The following TMEM131 variants were observed in gnomAD, a reference collection of about 807,000 sequenced individuals.
The protein encoded by TMEM131 is 2610524E03Rik.
TMEM131 carries 66 observed loss-of-function variants against 211.6 expected under a neutral mutation model. The observed-to-expected ratio is 0.31, with a 90% CI of 0.26 to 0.38. The LOEUF (loss-of-function observed/expected upper bound fraction) is 0.38, where lower values mean the gene tolerates loss of function less well. TMEM131 is among the 10% of genes least tolerant of loss of function. TMEM131 has a pLI of 1.00. For missense variants in TMEM131, 2,036 were observed against 2,299.3 expected (o/e 0.89, Z 2.34); for synonymous variants, 844 against 841.3 (o/e 1.00, Z -0.06).
chr2:97,795,854 C>T (rs1680737172), intron 28 of TMEM131, among the ~76,000 whole-genome samples: 1 of 152,124 alleles, frequency 6.6e-6, no homozygotes, highest in African/African-American at 2.4e-5. Context: ...AAAAACTGTA[C>T]ATGTATGAAA....
At chr2:97,810,983 A>G in intron 18 of TMEM131, 145 bp downstream of exon 18, 1 of 651,264 alleles carries the variant, frequency 1.5e-6, no homozygotes, top group Non-Finnish European at 2.7e-6. Flanking sequence ...TATTCTATAA[A>G]CTATTCTCGA....
rs1055131756 is a variant in TMEM131, at chr2:97,802,794, G to C, written c.2403-4C>G. On this transcript the variant is annotated splice_region_variant and splice_polypyrimidine_tract_variant and intron_variant, in intron 22 of 40. Coordinates refer to ENST00000186436, the MANE Select transcript of TMEM131 (RefSeq NM_015348.2). The stretch of plus-strand genomic sequence containing the variant: ...TACTTCAAATATAGCACTCAATCTA[G>C]AAAAACAATTTGTAAGTCACTGTAT... The C allele has an allele frequency of 6.5e-7, 1 of 1,534,480 alleles. No individual in the cohort carries two copies.
chr2:97,944,403 T>C (rs72817712), intron 1 of TMEM131, among the ~76,000 whole-genome samples: 2,718 of 152,306 alleles, frequency 0.018, 37 homozygotes, highest in Non-Finnish European at 0.029. Flanking sequence ...TAAATCTTCA[T>C]AACCTCTGAT....
intron 1 of TMEM131, among the ~76,000 whole-genome samples, chr2:97,940,796 C>A (rs13404788): frequency 2.8e-5 from 4 of 144,494 alleles, no homozygotes; most frequent in Non-Finnish European, 6.0e-5. Context: ...GCGACAGAGC[C>A]AGACTCCATC....
intron 40 of TMEM131, 26 bp downstream of exon 40, chr2:97,758,867 C>A (rs777587416): frequency 1.3e-6 from 2 of 1,586,194 alleles, no homozygotes; most frequent in Non-Finnish European, 1.7e-6. Flanking sequence ...CAGGTCCAGG[C>A]CCCAGCCCCA....
At chr2:97,882,862 G>C (rs1386527373) in intron 4 of TMEM131, among the ~76,000 whole-genome samples, 2 of 152,170 alleles carry the variant, frequency 1.3e-5, no homozygotes, top group Admixed American at 6.5e-5. Context: ...ACTCCGCTCA[G>C]TGTTCTCTGA....
Position 97,818,594 on chromosome 2 carries a change from G to T in TMEM131, c.1183+19C>A. 1 of 1,473,100 alleles carries T rather than the reference G, an allele frequency of 6.8e-7. No homozygotes were observed. The highest frequency in any genetic ancestry group is 9.4e-7 in the Non-Finnish European group (1 of 1,060,810). 91.3% of individuals were successfully genotyped at this position (1,473,100 alleles called of 1,614,324 possible). On this transcript the variant is annotated intron_variant, in intron 12 of 40. Transcript: ENST00000186436. ...CAAAATAACATCACTCTATCAGAGA[G>T]AAAATGGTGAATACTTGCCATCAAA... is the stretch of plus-strand genomic sequence containing the variant.
chr2:97,896,351 G>A (rs1206839172), intron 3 of TMEM131, among the ~76,000 whole-genome samples: 3 of 152,170 alleles, frequency 2.0e-5, no homozygotes, highest in Admixed American at 2.0e-4. Flanking sequence ...ATTAGGGGTG[G>A]AGAGTTCTGC....
intron 4 of TMEM131, among the ~76,000 whole-genome samples, chr2:97,877,441 T>C (rs994676620): frequency 6.6e-6 from 1 of 152,104 alleles, no homozygotes; most frequent in Non-Finnish European, 1.5e-5. Context: ...CATCACACTA[T>C]GTGACTTCAA....
At chr2:97,793,661 T>C (rs956410335) in intron 29 of TMEM131, 108 bp from the exon 30 acceptor site, 16 of 1,164,286 alleles carry the variant, frequency 1.4e-5, no homozygotes, top group Middle Eastern at 2.0e-4. Context: ...TATGATGTAA[T>C]AGAAAACCAA....
intron 5 of TMEM131, among the ~76,000 whole-genome samples, chr2:97,852,324 A>G (rs1291191017): frequency 6.6e-6 from 1 of 151,634 alleles, no homozygotes; most frequent in Non-Finnish European, 1.5e-5. Context: ...ACCACACCCA[A>G]TTTTTGTATT....
At chr2:97,885,336 C>T (rs1310863376) in intron 4 of TMEM131, among the ~76,000 whole-genome samples, 5 of 150,464 alleles carry the variant, frequency 3.3e-5, no homozygotes, top group East Asian at 3.9e-4. Context: ...GGACTACAGG[C>T]GCCCGCCACC....
intron 1 of TMEM131, among the ~76,000 whole-genome samples, chr2:97,931,744 A>G (rs920661962): frequency 6.6e-6 from 1 of 152,146 alleles, no homozygotes; most frequent in African/African-American, 2.4e-5. Flanking sequence ...CTTCTACAAA[A>G]ACTAGGAACA....
chr2:97,777,365 G>C (rs1378644923), intron 31 of TMEM131, among the ~76,000 whole-genome samples: 3 of 152,224 alleles, frequency 2.0e-5, no homozygotes, highest in Non-Finnish European at 4.4e-5. Context: ...ACCATTAATG[G>C]GAGACTCGAA....
chr2:97,818,826 A>C (rs1246591224), intron 11 of TMEM131, 105 bp from the exon 12 acceptor site: 1 of 704,972 alleles, frequency 1.4e-6, no homozygotes, highest in African/African-American at 1.8e-5. Context: ...GTGGACTCTA[A>C]ATTTGAAAAG....
At chr2:97,793,289 A>G in intron 30 of TMEM131, 106 bp downstream of exon 30, 1 of 1,245,794 alleles carries the variant, frequency 8.0e-7, no homozygotes, top group Non-Finnish European at 1.1e-6. Flanking sequence ...CAGAATTAAG[A>G]TTTTTTTTCT....
At chr2:97,894,283 C>T (rs1009368445) in intron 3 of TMEM131, among the ~76,000 whole-genome samples, 11 of 152,168 alleles carry the variant, frequency 7.2e-5, no homozygotes, top group African/African-American at 2.7e-4. Flanking sequence ...GTTACTGCAG[C>T]CTTGCAGAAT....
rs758874444 is a variant in TMEM131 at position 97,805,079 on chromosome 2, A to G, written c.2402+9T>C. The G allele has an allele frequency of 1.8e-4, 290 of 1,569,278 alleles. No individual in the cohort carries two copies. Among genetic ancestry groups the G allele is most frequent in the Non-Finnish European group, 2.4e-4 (273 of 1,152,822 alleles). ...AGATGGCTAAAATAAATAAACATAAACCACTCACCTATGACCTGAATTTTC... is the reference window on the plus strand; with the variant it reads ...AGATGGCTAAAATAAATAAACATAAGCCACTCACCTATGACCTGAATTTTC... On this transcript the variant is annotated intron_variant, in intron 22 of 40. Transcript: ENST00000186436.
Position 97,792,947 on chromosome 2 carries a change from C to G in TMEM131, c.3583G>C (p.Gly1195Arg), listed in dbSNP as rs771023580. 2 of 1,604,216 alleles carry G rather than the reference C, an allele frequency of 1.2e-6. No homozygotes were observed. The highest frequency in any genetic ancestry group is 3.4e-5 in the Admixed American group (2 of 59,374). The change falls in exon 31 of 41, where the codon GGG becomes CGG. Residue 1195 changes from glycine to arginine, a missense_variant. Coordinates refer to ENST00000186436, the MANE Select transcript of TMEM131 (RefSeq NM_015348.2). Reference protein sequence around the residue: ...TLSCDPGHSRGFCGAGGSSSR... With the variant: ...TLSCDPGHSRRFCGAGGSSSR... ...GATGAACCGCCTGCTCCACAGAACCCCCTACTGTGACCGGGGTCACAGCTG... is the reference window on the plus strand; with the variant it reads ...GATGAACCGCCTGCTCCACAGAACCGCCTACTGTGACCGGGGTCACAGCTG...
Sources: gnomAD v4.1 joint callset for allele counts (sites outside exome capture counted in the v4.1 genomes callset) on GRCh38, gnomAD v4.1.1 for gene constraint, MANE v1.5 for transcripts, NCBI Gene and HGNC (gene_info 2026-07-23, HGNC 2026-07-21) for gene names.